Variants in DNAJC1 observed in about 807,000 individuals in gnomAD.
DNAJC1 encodes dnaJ homolog subfamily C member 1.
DNAJC1 carries 58 observed loss-of-function variants against 76.6 expected under a neutral mutation model. That is an observed-to-expected ratio of 0.76 (90% CI 0.61 to 0.94). The LOEUF is 0.94. Ranked by LOEUF, DNAJC1 falls within the 40% of genes least tolerant of loss-of-function variation. The pLI is 0.00. For synonymous variants in DNAJC1, 258 were observed against 267.9 expected (o/e 0.96, Z 0.36); for missense variants, 689 against 677.3 (o/e 1.02, Z -0.19).
In DNAJC1 at chr10:22,003,440, T is replaced by G. The variant is rs1838561315; in HGVS notation, c.-6A>C. On this transcript the variant is annotated 5_prime_UTR_variant, in exon 1 of 12. Coordinates refer to ENST00000376980, the MANE Select transcript of DNAJC1 (RefSeq NM_022365.4). ...TGGGAGCAAGGAGCCGTCATCGCGC[T>G]GGGCTCGGAAAGGTCACCCGCCGCG... The G allele has an allele frequency of 2.9e-6, 4 of 1,361,652 alleles. No individual in the cohort carries two copies. The allele number at this position is 1,361,652 out of a possible 1,614,324, so 84.3% of individuals were successfully genotyped here.
At chr10:21,898,409 A>C (rs1047108441) in intron 7 of DNAJC1, among the ~76,000 whole-genome samples, 8 of 152,106 alleles carry the variant, frequency 5.3e-5, no homozygotes, top group Admixed American at 2.6e-4. Context: ...GCAATGCATT[A>C]CTCATGTGTC....
At chr10:21,760,546 A>G (rs1255771250) in intron 10 of DNAJC1, among the ~76,000 whole-genome samples, 2 of 152,252 alleles carry the variant, frequency 1.3e-5, no homozygotes, top group Non-Finnish European at 2.9e-5. Context: ...GGAAATAGGT[A>G]CATTTGGACA....
intron 9 of DNAJC1, among the ~76,000 whole-genome samples, chr10:21,805,061 G>A (rs992806944): frequency 2.0e-5 from 3 of 152,010 alleles, no homozygotes; most frequent in African/African-American, 7.2e-5. Flanking sequence ...TGGTAGCCAT[G>A]TTCAGTAATC....
At chr10:21,859,627 TAGAC>T (rs71510912) in intron 8 of DNAJC1, among the ~76,000 whole-genome samples, 2,904 of 152,046 alleles carry the variant, frequency 0.019, 61 homozygotes, top group Non-Finnish European at 0.023. Flanking sequence ...AGGGGTTACA[TAGAC>T]AGAGGGGTTA....
intron 8 of DNAJC1, among the ~76,000 whole-genome samples, chr10:21,855,318 T>C (rs1391937671): frequency 6.6e-6 from 1 of 152,178 alleles, no homozygotes; most frequent in Non-Finnish European, 1.5e-5. Context: ...CATTAGGGTG[T>C]CTTTTCTTTC....
intron 8 of DNAJC1, among the ~76,000 whole-genome samples, chr10:21,825,201 ATACT>A (rs1835228157): frequency 6.6e-6 from 1 of 152,208 alleles, no homozygotes; most frequent in Admixed American, 6.5e-5. Context: ...CTGAAACTCT[ATACT>A]TATTAAACAA....
intron 1 of DNAJC1, among the ~76,000 whole-genome samples, chr10:21,942,627 A>G: frequency 6.6e-6 from 1 of 152,006 alleles, no homozygotes; most frequent in East Asian, 1.9e-4. Flanking sequence ...TAACACAGTG[A>G]AACGCCGTCT....
At chr10:21,790,010 T>TAAAAAAAAAAAA (rs35639440) in intron 9 of DNAJC1, among the ~76,000 whole-genome samples, 1 of 41,092 alleles carries the variant, frequency 2.4e-5, no homozygotes, top group Non-Finnish European at 3.9e-5. Flanking sequence ...GCTCTGTCTT[T>TAAAAAAAAAAAA]AAAAAAAAAA....
Position 21,782,254 on chromosome 10 carries a change from T to A in DNAJC1, c.1099-15945A>T, listed in dbSNP as rs1318753203. 2.7e-4 allele frequency among the ~76,000 whole-genome samples: 41 copies of A among 152,164 alleles called. 1 individual carries two copies. Among genetic ancestry groups the A allele is most frequent in the Admixed American group, 2.6e-3 (40 of 15,282 alleles). On this transcript the variant is annotated intron_variant, in intron 9 of 11. Transcript: ENST00000376980. ...AATACTAACTACCATCAGAGAATAC[T>A]ATAAACACCGCTATGCAAATAAACT...
chr10:21,765,088 A>T (rs1270139864), intron 10 of DNAJC1, among the ~76,000 whole-genome samples: 1 of 152,220 alleles, frequency 6.6e-6, no homozygotes, highest in Non-Finnish European at 1.5e-5. Context: ...GTCTTGAAGT[A>T]GGCTTCTGTC....
intron 1 of DNAJC1, among the ~76,000 whole-genome samples, chr10:21,941,945 T>C (rs936465682): frequency 2.0e-5 from 3 of 152,092 alleles, no homozygotes; most frequent in Non-Finnish European, 2.9e-5. Flanking sequence ...GAAAAGCATA[T>C]AAAAATTTCC....
At chr10:21,980,523 G>A (rs1035785313) in intron 1 of DNAJC1, among the ~76,000 whole-genome samples, 3 of 152,098 alleles carry the variant, frequency 2.0e-5, no homozygotes, top group Non-Finnish European at 2.9e-5. Flanking sequence ...TCAAGGTCAA[G>A]AAAGACTGAG....
At chr10:21,966,448 C>A (rs1226957668) in intron 1 of DNAJC1, among the ~76,000 whole-genome samples, 1 of 137,232 alleles carries the variant, frequency 7.3e-6, no homozygotes, top group Non-Finnish European at 1.6e-5. Flanking sequence ...TTTTTTTTAT[C>A]ATCATCAGTC....
At chr10:21,973,295 AGGT>A (rs1055989347) in intron 1 of DNAJC1, among the ~76,000 whole-genome samples, 1 of 152,220 alleles carries the variant, frequency 6.6e-6, no homozygotes, top group Non-Finnish European at 1.5e-5. Context: ...GACAGTTATT[AGGT>A]TAAGTTTTAA....
At chr10:21,796,157 A>G (rs1310447770) in intron 9 of DNAJC1, among the ~76,000 whole-genome samples, 1 of 151,834 alleles carries the variant, frequency 6.6e-6, no homozygotes, top group East Asian at 1.9e-4. Flanking sequence ...TTTAGTAGAG[A>G]CGGGGTTTCA....
chr10:21,800,852 T>G, intron 9 of DNAJC1, among the ~76,000 whole-genome samples: 1 of 151,868 alleles, frequency 6.6e-6, no homozygotes, highest in East Asian at 1.9e-4. Context: ...CTTTGATGTT[T>G]TCTTTTTGCT....
chr10:21,787,270 G>A (rs2131631891), intron 9 of DNAJC1, among the ~76,000 whole-genome samples: 1 of 152,214 alleles, frequency 6.6e-6, no homozygotes, highest in East Asian at 1.9e-4. Context: ...AGAGGTTGCA[G>A]TGAGCAGAGA....
chr10:21,759,701 G>T, intron 10 of DNAJC1, 83 bp from the exon 11 acceptor site: 1 of 1,313,428 alleles, frequency 7.6e-7, no homozygotes. Context: ...CGGGCACAGA[G>T]CAGGCAGCGC....
chr10:21,950,461 C>T (rs906644821), intron 1 of DNAJC1, among the ~76,000 whole-genome samples: 2 of 152,048 alleles, frequency 1.3e-5, no homozygotes, highest in Non-Finnish European at 2.9e-5. Context: ...TCTCTTTGGG[C>T]CTCCCTGCTC....
Sources: allele counts gnomAD v4.1 joint callset (sites outside exome capture counted in the v4.1 genomes callset), GRCh38; gene constraint gnomAD v4.1.1; transcripts MANE v1.5; gene names NCBI Gene and HGNC (gene_info 2026-07-23, HGNC 2026-07-21).